FRMPD4: variants seen among roughly 807,000 people sequenced by gnomAD.
FRMPD4 encodes FERM and PDZ domain-containing protein 4.
Under a neutral mutation model 94.1 loss-of-function variants are expected in FRMPD4, and 22 were observed. The ratio of observed to expected loss-of-function variants is 0.23; its 90% confidence interval spans 0.17 to 0.33. The LOEUF is 0.33. FRMPD4 is among the 10% of genes least tolerant of loss of function. The probability of loss-of-function intolerance (pLI) is 1.00; values close to 1 mark genes in which losing one functional copy is unlikely to be tolerated. For missense variants in FRMPD4, 1,111 were observed against 1,339.9 expected (o/e 0.83, Z 2.67); for synonymous variants, 631 against 548.6 (o/e 1.15, Z -2.10).
intron 6 of FRMPD4, among the ~76,000 whole-genome samples, chrX:12,685,424 T>G (rs779257245): frequency 8.9e-6 from 1 of 112,278 alleles, no homozygotes; most frequent in South Asian, 3.7e-4. Flanking sequence ...AACATTTCTA[T>G]TGTTTGCTTT....
chrX:12,349,889 A>G (rs1601846223), intron 1 of FRMPD4, among the ~76,000 whole-genome samples: 1 of 111,899 alleles, frequency 8.9e-6, no homozygotes, highest in Non-Finnish European at 1.9e-5. Context: ...ATATGAAGCA[A>G]TAGAGGCTTA....
At chrX:12,587,518 A>T (rs1438950195) in intron 2 of FRMPD4, among the ~76,000 whole-genome samples, 1 of 111,491 alleles carries the variant, frequency 9.0e-6, no homozygotes, top group Admixed American at 9.5e-5. Context: ...ATATAAATGG[A>T]ATCCTGTAAG....
chrX:12,494,768 T>A (rs948803028), intron 1 of FRMPD4, among the ~76,000 whole-genome samples: 8 of 112,207 alleles, frequency 7.1e-5, no homozygotes, highest in Admixed American at 3.8e-4. Context: ...TCTCATTTCC[T>A]ATCAAGTATG....
intron 2 of FRMPD4, among the ~76,000 whole-genome samples, chrX:12,564,645 A>G (rs1394541447): frequency 8.9e-6 from 1 of 112,134 alleles, no homozygotes; most frequent in East Asian, 2.8e-4. Context: ...GTAATCAATA[A>G]GCAGGATCAA....
intron 1 of FRMPD4, among the ~76,000 whole-genome samples, chrX:12,468,992 G>C (rs1001133072): frequency 1.8e-5 from 2 of 112,248 alleles, no homozygotes; most frequent in Non-Finnish European, 3.8e-5. Context: ...CCCAAATTTG[G>C]AAACAATTAA....
rs2042261899 is a variant in FRMPD4, at chrX:12,722,637, A to G, written c.*779A>G. The G allele has an allele frequency of 8.9e-6, 1 of 112,000 alleles. No homozygotes were observed. Among genetic ancestry groups the G allele is most frequent in the South Asian group, 3.7e-4 (1 of 2,703 alleles). The allele number at this position is 112,000 out of a possible 1,213,427, so 9.2% of individuals were successfully genotyped here. A position where few individuals can be genotyped will look rare whatever the true frequency, so the allele number is the denominator to read the frequency against. On this transcript the variant is annotated 3_prime_UTR_variant, in exon 17 of 17. Transcript: ENST00000675598. ...TAGAATATCTCATTACATAAAATGT[A>G]TGGAATTAATAATACCAAAATTAAT... is the stretch of plus-strand genomic sequence containing the variant.
At chrX:12,648,957 A>G (rs1312171097) in intron 4 of FRMPD4, among the ~76,000 whole-genome samples, 1 of 112,363 alleles carries the variant, frequency 8.9e-6, no homozygotes, top group Non-Finnish European at 1.9e-5. Flanking sequence ...TGACTAATGC[A>G]TGGAAGCAGA....
chrX:12,555,131 G>A (rs767981884), intron 2 of FRMPD4, among the ~76,000 whole-genome samples: 5 of 110,506 alleles, frequency 4.5e-5, no homozygotes, highest in African/African-American at 1.6e-4. Context: ...TTAAAATTAT[G>A]TGTGATGACT....
intron 2 of FRMPD4, among the ~76,000 whole-genome samples, chrX:12,516,830 A>G (rs915093893): frequency 4.5e-5 from 5 of 109,911 alleles, no homozygotes; most frequent in African/African-American, 1.7e-4. Flanking sequence ...CCGGTACTCA[A>G]TCAGTCATAG....
chrX:11,847,939 G>A (rs1001797044), intron 1 of FRMPD4, among the ~76,000 whole-genome samples: 1 of 101,357 alleles, frequency 9.9e-6, no homozygotes, highest in Non-Finnish European at 2.0e-5. Flanking sequence ...GCTAAATGAC[G>A]AGTTAATGGG....
intron 7 of FRMPD4, among the ~76,000 whole-genome samples, chrX:12,687,420 C>T (rs147562381): frequency 3.6e-5 from 4 of 111,661 alleles, no homozygotes; most frequent in African/African-American, 1.3e-4. Context: ...CAAGAGTAGG[C>T]AAACTTTTTC....
intron 1 of FRMPD4, among the ~76,000 whole-genome samples, chrX:12,420,200 T>G (rs760291487): frequency 1.8e-5 from 2 of 111,885 alleles, no homozygotes; most frequent in South Asian, 7.6e-4. Flanking sequence ...GACTCTTTCC[T>G]TTGTCTTAAA....
chrX:12,165,076 G>T (rs1369559949), intron 1 of FRMPD4, among the ~76,000 whole-genome samples: 1 of 111,135 alleles, frequency 9.0e-6, no homozygotes, highest in Non-Finnish European at 1.9e-5. Flanking sequence ...TGTCAATTTT[G>T]GCTTTTGTTG....
chrX:12,096,961 C>G (rs746739256), intron 3 of FRMPD4, among the ~76,000 whole-genome samples: 3 of 110,623 alleles, frequency 2.7e-5, no homozygotes, highest in Non-Finnish European at 3.8e-5. Context: ...AGACTCAATG[C>G]CTAAACCAAA....
intron 1 of FRMPD4, among the ~76,000 whole-genome samples, chrX:12,230,118 T>C: frequency 9.0e-6 from 1 of 111,301 alleles, no homozygotes; most frequent in East Asian, 2.8e-4. Flanking sequence ...AGACTGTCCC[T>C]GGCCTGTTGG....
chrX:12,257,514 CT>C (rs982143430), intron 1 of FRMPD4, among the ~76,000 whole-genome samples: 3 of 105,561 alleles, frequency 2.8e-5, no homozygotes, highest in Non-Finnish European at 5.7e-5. Flanking sequence ...CTTGTTTTGA[CT>C]TTTTTTTTCT....
At chrX:12,303,374 A>G (rs937576006) in intron 1 of FRMPD4, among the ~76,000 whole-genome samples, 40 of 112,336 alleles carry the variant, frequency 3.6e-4, no homozygotes, top group Non-Finnish European at 6.6e-4. Flanking sequence ...TTAATCAGTT[A>G]TAATAATGAT....
At chrX:12,436,524 T>TAATC (rs1433562881) in intron 1 of FRMPD4, among the ~76,000 whole-genome samples, 2 of 111,586 alleles carry the variant, frequency 1.8e-5, no homozygotes, top group African/African-American at 6.5e-5. Context: ...CTTTTAAAGC[T>TAATC]AATCAATTAA....
chrX:12,249,638 G>C (rs1414715715), intron 1 of FRMPD4, among the ~76,000 whole-genome samples: 1 of 111,422 alleles, frequency 9.0e-6, no homozygotes, highest in Non-Finnish European at 1.9e-5. Context: ...TCCCTATTCA[G>C]AGGACCTCTA....
Sources: allele counts gnomAD v4.1 joint callset (sites outside exome capture counted in the v4.1 genomes callset), GRCh38; gene constraint gnomAD v4.1.1; transcripts MANE v1.5; gene names NCBI Gene and HGNC (gene_info 2026-07-23, HGNC 2026-07-21).